DNAAF6: variants seen among roughly 807,000 people sequenced by gnomAD.
DNAAF6 encodes dynein axonemal assembly factor 6.
DNAAF6 carries 3 observed loss-of-function variants against 13.7 expected under a neutral mutation model. The ratio of observed to expected loss-of-function variants is 0.22; its 90% CI spans 0.10 to 0.56. DNAAF6 has a LOEUF of 0.56. DNAAF6 is among the 20% of genes least tolerant of loss of function. The pLI is 0.92. For synonymous variants in DNAAF6, 54 were observed against 49.2 expected (o/e 1.10, Z -0.41); for missense variants, 130 against 151.0 (o/e 0.86, Z 0.73).
intron 5 of DNAAF6, among the ~76,000 whole-genome samples, chrX:107,231,456 C>A (rs776072034): frequency 1.3e-4 from 15 of 111,872 alleles, no homozygotes; most frequent in Non-Finnish European, 2.6e-4. Flanking sequence ...TGTTAAGGAT[C>A]TGTTCATCTA....
At chrX:107,242,326 A>G (rs1487349795) in intron 6 of DNAAF6, among the ~76,000 whole-genome samples, 1 of 112,376 alleles carries the variant, frequency 8.9e-6, no homozygotes, top group Non-Finnish European at 1.9e-5. Flanking sequence ...TCAATTCAAG[A>G]ACCCAATAAG....
chrX:107,231,070 C>T (rs1928383214), intron 5 of DNAAF6, among the ~76,000 whole-genome samples: 1 of 111,379 alleles, frequency 9.0e-6, no homozygotes, highest in South Asian at 3.7e-4. Flanking sequence ...AACTTTATTT[C>T]TTATTTCTCA....
intron 1 of DNAAF6, among the ~76,000 whole-genome samples, chrX:107,210,058 G>A (rs772931456): frequency 9.0e-6 from 1 of 111,182 alleles, no homozygotes; most frequent in South Asian, 3.9e-4. Flanking sequence ...AGCTGGTTCT[G>A]GAGTGTCAGT....
intron 2 of DNAAF6, among the ~76,000 whole-genome samples, chrX:107,216,405 A>T (rs1467406427): frequency 1.8e-5 from 2 of 111,807 alleles, no homozygotes; most frequent in Non-Finnish European, 3.8e-5. Context: ...TACATGATTC[A>T]CTGAGCTGGA....
At chrX:107,229,343 C>A in intron 5 of DNAAF6, among the ~76,000 whole-genome samples, 1 of 107,154 alleles carries the variant, frequency 9.3e-6, no homozygotes, top group Non-Finnish European at 1.9e-5. Flanking sequence ...CCAGGCTGGT[C>A]TCCAACTCCT....
chrX:107,235,563 G>A (rs1928494832), intron 5 of DNAAF6, among the ~76,000 whole-genome samples: 1 of 111,279 alleles, frequency 9.0e-6, no homozygotes, highest in South Asian at 3.8e-4. Context: ...GTGGTGAAGA[G>A]CTGAGGCCGC....
At chrX:107,219,233 A>T (rs1446504899) in intron 4 of DNAAF6, among the ~76,000 whole-genome samples, 1 of 112,086 alleles carries the variant, frequency 8.9e-6, no homozygotes, top group Non-Finnish European at 1.9e-5. Context: ...TTTAATGTCA[A>T]TTTGTTGTAT....
At chrX:107,208,452 C>A (rs754735696) in intron 1 of DNAAF6, among the ~76,000 whole-genome samples, 129 of 109,922 alleles carry the variant, frequency 1.2e-3, no homozygotes, top group Middle Eastern at 4.6e-3. Flanking sequence ...AACAAAAAAA[C>A]CCCTCCATTT....
At chrX:107,218,671 T>G (rs1928050909) in intron 3 of DNAAF6, among the ~76,000 whole-genome samples, 193 bp from the exon 4 acceptor site, 1 of 111,263 alleles carries the variant, frequency 9.0e-6, no homozygotes, top group African/African-American at 3.3e-5. Context: ...AATTCTACAA[T>G]GTATTGGTTC....
At chrX:107,218,646 TAC>T (rs1022248332) in intron 3 of DNAAF6, among the ~76,000 whole-genome samples, 1 of 111,292 alleles carries the variant, frequency 9.0e-6, no homozygotes, top group Non-Finnish European at 1.9e-5. Context: ...CCAAATTCTC[TAC>T]AGTTGTTATT....
rs1290230031 is a variant in DNAAF6 at position 107,206,955 on chromosome X, C to T, written c.-4+265C>T. Among the ~76,000 whole-genome samples the T allele has an allele frequency of 4.5e-5, 5 of 111,650 alleles. No homozygotes were observed. The Admixed American group carries it at 4.8e-4, about 11-fold the overall frequency. On this transcript the variant is annotated intron_variant, in intron 1 of 6. Coordinates refer to ENST00000372453, the MANE Select transcript of DNAAF6 (RefSeq NM_173494.2). ...ATGTGAGTGAAAGATGGATGCTGAT[C>T]GACTGTCAGAAGGCAAAAGTAAACA...
At position 107,224,479 on chromosome X, in the gene DNAAF6, G is replaced by A. The variant is rs73249837; in HGVS notation, c.429+1638G>A. Among the ~76,000 whole-genome samples the A allele has an allele frequency of 7.8e-3, 870 of 111,371 alleles. 8 individuals carry two copies. Among genetic ancestry groups the A allele is most frequent in the Non-Finnish European group, 0.013 (692 of 52,960 alleles). On this transcript the variant is annotated intron_variant, in intron 5 of 6. Coordinates refer to ENST00000372453, the MANE Select transcript of DNAAF6 (RefSeq NM_173494.2). ...AAGTACTAGAGATACAAAAATAAATGATAAACAATCAATTGTCCTCAAGGA... is the reference window on the plus strand; with the variant it reads ...AAGTACTAGAGATACAAAAATAAATAATAAACAATCAATTGTCCTCAAGGA...
chrX:107,214,995 T>C (rs906250954), intron 2 of DNAAF6, among the ~76,000 whole-genome samples: 1 of 111,307 alleles, frequency 9.0e-6, no homozygotes, highest in Admixed American at 9.6e-5. Context: ...GGTTCACTGC[T>C]CTTCACAGAC....
intron 5 of DNAAF6, among the ~76,000 whole-genome samples, chrX:107,226,117 G>C (rs1189257872): frequency 8.9e-6 from 1 of 112,002 alleles, no homozygotes; most frequent in African/African-American, 3.2e-5. Context: ...CAGTTAGAAA[G>C]ATGCTGATCT....
At chrX:107,208,617 A>G (rs1927775834) in intron 1 of DNAAF6, among the ~76,000 whole-genome samples, 1 of 106,055 alleles carries the variant, frequency 9.4e-6, no homozygotes, top group Non-Finnish European at 1.9e-5. Flanking sequence ...GGCTCACTGC[A>G]ACTTCCACCT....
chrX:107,231,064 T>G (rs1018799674), intron 5 of DNAAF6, among the ~76,000 whole-genome samples: 1 of 111,923 alleles, frequency 8.9e-6, no homozygotes, highest in Admixed American at 9.5e-5. Context: ...ATACTGAACT[T>G]TATTTCTTAT....
chrX:107,230,503 C>T (rs767079235), intron 5 of DNAAF6, among the ~76,000 whole-genome samples: 6 of 111,274 alleles, frequency 5.4e-5, no homozygotes, highest in South Asian at 3.8e-4. Context: ...GCCAACATGG[C>T]GAAACCCTGT....
intron 4 of DNAAF6, among the ~76,000 whole-genome samples, chrX:107,219,603 C>T (rs961423979): frequency 9.0e-6 from 1 of 111,287 alleles, no homozygotes; most frequent in African/African-American, 3.3e-5. Flanking sequence ...TATTTATATA[C>T]ATAGATTAAA....
At chrX:107,231,509 A>G (rs755737437) in intron 5 of DNAAF6, among the ~76,000 whole-genome samples, 136 of 112,142 alleles carry the variant, frequency 1.2e-3, no homozygotes, top group African/African-American at 4.1e-3. Context: ...TGATGAATTT[A>G]ATCAAATGCC....
Sources: gnomAD v4.1 joint callset for allele counts (sites outside exome capture counted in the v4.1 genomes callset) on GRCh38, gnomAD v4.1.1 for gene constraint, MANE v1.5 for transcripts, NCBI Gene and HGNC (gene_info 2026-07-23, HGNC 2026-07-21) for gene names.